GLIS3: variants seen among roughly 807,000 people sequenced by gnomAD.
GLIS3 encodes the protein zinc finger protein GLIS3.
Under a neutral mutation model 78.6 loss-of-function variants are expected in GLIS3, and 53 were observed. That is an observed-to-expected ratio of 0.67 (90% CI 0.54 to 0.85). The LOEUF (loss-of-function observed/expected upper bound fraction) is 0.85, where lower values mean the gene tolerates loss of function less well. Among genes scored for constraint, GLIS3 ranks in the 40% least tolerant of loss-of-function variants. The probability of loss-of-function intolerance (pLI) is 0.00; values close to 1 mark genes in which losing one functional copy is unlikely to be tolerated. For missense variants in GLIS3, 1,703 were observed against 1,231.1 expected, an observed-to-expected ratio of 1.38 and a Z score of -5.74; for synonymous variants, 684 against 509.9, an observed-to-expected ratio of 1.34 and a Z score of -4.60.
chr9:4,400,613 T>C, the GLIS3 span, among the ~76,000 whole-genome samples: 1 of 152,368 alleles, frequency 6.6e-6, no homozygotes, highest in South Asian at 2.1e-4. Flanking sequence ...TCATTGTAGA[T>C]TAATTTCCCT....
At chr9:4,452,490 T>A in the GLIS3 span, among the ~76,000 whole-genome samples, 540 of 152,230 alleles carry the variant, frequency 3.5e-3, 2 homozygotes, top group African/African-American at 0.013. Flanking sequence ...GGATACAAAC[T>A]CAATGTGCAG....
At chr9:4,183,889 C>A (rs565385738) in intron 2 of GLIS3, among the ~76,000 whole-genome samples, 1 of 152,098 alleles carries the variant, frequency 6.6e-6, no homozygotes, top group Non-Finnish European at 1.5e-5. Flanking sequence ...TATAAATGAT[C>A]CTTCTAATAT....
the GLIS3 span, among the ~76,000 whole-genome samples, chr9:4,450,280 A>G: frequency 6.6e-6 from 1 of 152,330 alleles, no homozygotes; most frequent in Non-Finnish European, 1.5e-5. Context: ...AAATAAAGTG[A>G]GAGGAGAAGT....
At chr9:4,445,595 C>T in the GLIS3 span, among the ~76,000 whole-genome samples, 3 of 152,214 alleles carry the variant, frequency 2.0e-5, no homozygotes, top group Non-Finnish European at 4.4e-5. Flanking sequence ...GATTGCACCA[C>T]TGCCCTCCCA....
chr9:4,121,620 G>GAT (rs1554707418), intron 3 of GLIS3, among the ~76,000 whole-genome samples: 1 of 142,114 alleles, frequency 7.0e-6, no homozygotes, highest in Non-Finnish European at 1.5e-5. Flanking sequence ...TTCTCCCAGT[G>GAT]ACACACACAC....
chr9:4,453,469 TAAAC>T, the GLIS3 span, among the ~76,000 whole-genome samples: 10 of 151,544 alleles, frequency 6.6e-5, no homozygotes, highest in East Asian at 1.7e-3. Flanking sequence ...ACAAAGAACT[TAAAC>T]AAATTTACAA....
chr9:3,955,016 G>A lies in GLIS3; in HGVS notation c.1711-17827C>T, dbSNP rs746669086. 7.2e-5 allele frequency among the ~76,000 whole-genome samples: 11 copies of A among 152,212 alleles called. No homozygotes were observed. The East Asian group carries it at 9.6e-4, about 13-fold the overall frequency. The stretch of plus-strand genomic sequence containing the variant: ...AAGCTCAAAAGGCCCCACCTGGTGC[G>A]CAGAAGTTCTGCAAAAGCAAGGGAA... On this transcript the variant is annotated intron_variant, in intron 4 of 10. Transcript: ENST00000381971.
chr9:4,258,491 T>C (rs1356181827), intron 2 of GLIS3, among the ~76,000 whole-genome samples: 1 of 152,230 alleles, frequency 6.6e-6, no homozygotes, highest in African/African-American at 2.4e-5. Flanking sequence ...GGGCTTTGTC[T>C]TCCTATTATC....
At chr9:4,316,163 T>C (rs1327334806) in intron 2 of GLIS3, among the ~76,000 whole-genome samples, 1 of 152,114 alleles carries the variant, frequency 6.6e-6, no homozygotes, top group Middle Eastern at 3.2e-3. Flanking sequence ...ACAAAAAAGA[T>C]TTCTCCACCT....
chr9:4,223,660 T>C (rs10119187), intron 2 of GLIS3, among the ~76,000 whole-genome samples: 32,316 of 152,138 alleles, frequency 0.21, 3,770 homozygotes, highest in African/African-American at 0.32. Flanking sequence ...AGCAAACAAG[T>C]TTGCTAGAAA....
intron 4 of GLIS3, among the ~76,000 whole-genome samples, chr9:4,045,504 T>C (rs893392203): frequency 6.2e-5 from 7 of 112,786 alleles, no homozygotes; most frequent in African/African-American, 3.1e-4. Flanking sequence ...CCTGGCTAAT[T>C]TTTTTTTTTT....
chr9:4,335,154 C>T (rs1376249480), intron 2 of GLIS3, among the ~76,000 whole-genome samples: 5 of 152,076 alleles, frequency 3.3e-5, no homozygotes, highest in Non-Finnish European at 5.9e-5. Context: ...GTGATCCACC[C>T]GCCTTGGCAT....
At chr9:4,332,198 C>G (rs1157828974) in intron 2 of GLIS3, among the ~76,000 whole-genome samples, 4 of 152,142 alleles carry the variant, frequency 2.6e-5, no homozygotes, top group African/African-American at 9.7e-5. Flanking sequence ...AGAAAATACC[C>G]CAATCCAACA....
chr9:4,290,711 TA>T (rs1415957467), intron 1 of GLIS3, among the ~76,000 whole-genome samples: 1 of 152,104 alleles, frequency 6.6e-6, no homozygotes, highest in Admixed American at 6.5e-5. Context: ...GAAAAGACTG[TA>T]TAAACAAAAA....
intron 2 of GLIS3, among the ~76,000 whole-genome samples, chr9:4,164,764 A>T (rs946348657): frequency 6.6e-6 from 1 of 152,250 alleles, no homozygotes; most frequent in Non-Finnish European, 1.5e-5. Flanking sequence ...AGGCTTACTG[A>T]AGAATGAAAA....
intron 2 of GLIS3, among the ~76,000 whole-genome samples, chr9:4,224,889 T>A (rs1179016528): frequency 6.6e-6 from 1 of 152,108 alleles, no homozygotes; most frequent in Non-Finnish European, 1.5e-5. Flanking sequence ...AATGTAATGT[T>A]CTGGTATACA....
chr9:4,230,584 G>A (rs1330040820), intron 2 of GLIS3, among the ~76,000 whole-genome samples: 1 of 152,140 alleles, frequency 6.6e-6, no homozygotes, highest in Admixed American at 6.5e-5. Flanking sequence ...AATTGAGTCA[G>A]GTTTTCTGCT....
At chr9:4,314,739 T>C (rs1789830123) in intron 2 of GLIS3, among the ~76,000 whole-genome samples, 1 of 152,236 alleles carries the variant, frequency 6.6e-6, no homozygotes, top group South Asian at 2.1e-4. Flanking sequence ...TGGGTTTAGA[T>C]TTCAGCTTTC....
chr9:4,231,896 C>T (rs1822285504), intron 2 of GLIS3, among the ~76,000 whole-genome samples: 1 of 152,120 alleles, frequency 6.6e-6, no homozygotes, highest in African/African-American at 2.4e-5. Context: ...ATCAACAAAG[C>T]CCTGTGGTTG....
Sources: gnomAD v4.1 joint callset for allele counts (sites outside exome capture counted in the v4.1 genomes callset) on GRCh38, gnomAD v4.1.1 for gene constraint, MANE v1.5 for transcripts, NCBI Gene and HGNC (gene_info 2026-07-23, HGNC 2026-07-21) for gene names.